Variants in KLHL7 observed in about 807,000 individuals in gnomAD.
The protein encoded by KLHL7 is kelch like family member 7.
In KLHL7, 44 loss-of-function variants were observed where a neutral mutation model predicts 67.4. The ratio of observed to expected loss-of-function variants is 0.65; its 90% CI spans 0.51 to 0.84. KLHL7 has a LOEUF of 0.84. Among genes scored for constraint, KLHL7 ranks in the 40% least tolerant of loss-of-function variants. KLHL7 has a pLI of 0.00. For synonymous variants in KLHL7, 252 were observed against 243.3 expected (o/e 1.04, Z -0.33); for missense variants, 362 against 718.1 (o/e 0.50, Z 5.67).
At chr7:23,111,636 C>T (rs1426720162) in intron 1 of KLHL7, among the ~76,000 whole-genome samples, 3 of 151,998 alleles carry the variant, frequency 2.0e-5, no homozygotes, top group Non-Finnish European at 4.4e-5. Flanking sequence ...GTCTGGCTAA[C>T]ATGGTGAAAC....
chr7:23,165,638 T>C lies in KLHL7; in HGVS notation c.937-60T>C. On this transcript the variant is annotated intron_variant, in intron 7 of 10. Coordinates refer to ENST00000339077, the MANE Select transcript of KLHL7 (RefSeq NM_001031710.3). ...TATGTTTTTTGACTGTATCTTTGCA[T>C]TGTCCTTTTCAGTTATATTTTTTTC... 3 of 1,577,558 alleles carry C rather than the reference T, an allele frequency of 1.9e-6. No homozygotes were observed. The South Asian group carries it at 3.3e-5, about 18-fold the overall frequency.
chr7:23,110,285 A>G (rs1210901550), intron 1 of KLHL7, among the ~76,000 whole-genome samples: 1 of 152,176 alleles, frequency 6.6e-6, no homozygotes, highest in Non-Finnish European at 1.5e-5. Flanking sequence ...CTATTTTGAC[A>G]CTTTCCCTTT....
rs757884115 is a variant in KLHL7 at position 23,165,757 on chromosome 7, G to C, written c.996G>C (p.Val332=). 1 of 1,614,154 alleles carries C rather than the reference G, an allele frequency of 6.2e-7. No homozygotes were observed. Among genetic ancestry groups the C allele is most frequent in the East Asian group, 2.2e-5 (1 of 44,888 alleles). The change falls in exon 8 of 11, where the codon GTG becomes GTC. Residue 332 remains valine (V), a synonymous_variant. Coordinates refer to ENST00000339077, the MANE Select transcript of KLHL7 (RefSeq NM_001031710.3). ...AAAAACGAAGAGATGCAGCATGCGT[G>C]TTTTGGGACAATGTAGTATACATTT... ...PFEKRRDAAC[V]FWDNVVYILG...
chr7:23,168,750 C>T (rs967682034), intron 9 of KLHL7, among the ~76,000 whole-genome samples: 1 of 152,140 alleles, frequency 6.6e-6, no homozygotes, highest in African/African-American at 2.4e-5. Context: ...TTTATGGAAA[C>T]ATCCAAAGAG....
chr7:23,141,014 G>A lies in KLHL7; in HGVS notation c.618+70G>A, dbSNP rs1004432492. 2.4e-6 allele frequency: 3 copies of A among 1,240,340 alleles called. No individual in the cohort carries two copies. The Admixed American group carries it at 5.0e-5, about 21-fold the overall frequency. The allele number at this position is 1,240,340 out of a possible 1,614,324, so 76.8% of individuals were successfully genotyped here. On this transcript the variant is annotated intron_variant, in intron 5 of 10. Coordinates refer to ENST00000339077, the MANE Select transcript of KLHL7 (RefSeq NM_001031710.3). Reference sequence around the variant, plus strand: ...TATTGGTTTCTTAAAACTCATGTTTGGACACATGACAAGGGAAAGAGTCAT... The same window carrying A: ...TATTGGTTTCTTAAAACTCATGTTTAGACACATGACAAGGGAAAGAGTCAT...
chr7:23,114,899 C>G (rs923379005), intron 1 of KLHL7, among the ~76,000 whole-genome samples: 1 of 152,224 alleles, frequency 6.6e-6, no homozygotes, highest in African/African-American at 2.4e-5. Flanking sequence ...ATTAGCAACA[C>G]AGAATCTCCC....
At position 23,174,320 on chromosome 7, in the gene KLHL7, C is replaced by T. The variant is rs1785243320; in HGVS notation, c.*22C>T. 1 of 1,596,500 alleles carries T rather than the reference C, an allele frequency of 6.3e-7. No individual in the cohort carries two copies. The highest frequency in any genetic ancestry group is 8.5e-7 in the Non-Finnish European group (1 of 1,177,656). ...ATGAAAAATGAGTGGACTTCAGACTCATCAGAGACTCTAAAATATAGCCAC... is the reference window on the plus strand; with the variant it reads ...ATGAAAAATGAGTGGACTTCAGACTTATCAGAGACTCTAAAATATAGCCAC... On this transcript the variant is annotated 3_prime_UTR_variant, in exon 11 of 11. Transcript: ENST00000339077.
chr7:23,132,563 G>A (rs1562565712), intron 4 of KLHL7, among the ~76,000 whole-genome samples: 1 of 152,132 alleles, frequency 6.6e-6, no homozygotes, highest in Non-Finnish European at 1.5e-5. Flanking sequence ...CAGATGAGTA[G>A]TTTGCAGATA....
At chr7:23,129,085 A>G (rs1447547706) in intron 4 of KLHL7, 3 of 152,624 alleles carry the variant, frequency 2.0e-5, no homozygotes, top group African/African-American at 7.2e-5. Flanking sequence ...AGTGCTTTCT[A>G]CCATCTGGGA....
intron 1 of KLHL7, among the ~76,000 whole-genome samples, chr7:23,121,029 T>C (rs577744346): frequency 2.0e-5 from 3 of 152,196 alleles, no homozygotes; most frequent in African/African-American, 4.8e-5. Flanking sequence ...TCTGTTCTGC[T>C]TTTTACTTGG....
intron 7 of KLHL7, among the ~76,000 whole-genome samples, chr7:23,157,613 T>A (rs941435293): frequency 1.3e-5 from 2 of 152,224 alleles, no homozygotes; most frequent in Non-Finnish European, 2.9e-5. Flanking sequence ...ATAGAGAGTC[T>A]CAATTTCTTT....
intron 1 of KLHL7, among the ~76,000 whole-genome samples, chr7:23,122,163 T>C (rs1476072637): frequency 4.6e-5 from 7 of 152,172 alleles, no homozygotes; most frequent in Admixed American, 4.6e-4. Context: ...TTCAACCTCC[T>C]TCAGTGCCTA....
intron 4 of KLHL7, among the ~76,000 whole-genome samples, chr7:23,128,649 G>A (rs565879322): frequency 2.0e-5 from 3 of 151,890 alleles, no homozygotes; most frequent in East Asian, 3.9e-4. Context: ...TAAATGTCAC[G>A]GTAAGTTTTA....
At chr7:23,143,518 AC>A (rs1200523736) in intron 5 of KLHL7, among the ~76,000 whole-genome samples, 4 of 152,006 alleles carry the variant, frequency 2.6e-5, no homozygotes, top group African/African-American at 9.7e-5. Flanking sequence ...ATATGTTGAA[AC>A]TTTTGTTGAC....
Position 23,176,841 on chromosome 7 carries a change from G to C in KLHL7, c.*2543G>C, listed in dbSNP as rs558340465. On this transcript the variant is annotated 3_prime_UTR_variant, in exon 11 of 11. Transcript: ENST00000339077. ...ATACAAAAATTAGCCAGGTATGGTG[G>C]TGTGCACCTGTAGTCCCAGCTACTC... 5 of 152,430 alleles carry C rather than the reference G, an allele frequency of 3.3e-5. No individual in the cohort carries two copies. The highest frequency in any genetic ancestry group is 1.2e-4 in the African/African-American group (5 of 41,534). The allele number at this position is 152,430 out of a possible 1,614,324, so 9.4% of individuals were successfully genotyped here.
chr7:23,142,848 A>G (rs150225120), intron 5 of KLHL7, among the ~76,000 whole-genome samples: 1 of 152,348 alleles, frequency 6.6e-6, no homozygotes, highest in East Asian at 1.9e-4. Context: ...TGTTCTTTAT[A>G]GTATTGTGGA....
At chr7:23,139,659 T>A (rs545676435) in intron 4 of KLHL7, among the ~76,000 whole-genome samples, 1 of 152,284 alleles carries the variant, frequency 6.6e-6, no homozygotes, top group East Asian at 1.9e-4. Flanking sequence ...TCAAAATTCA[T>A]TAAATGAAGA....
chr7:23,143,035 C>A (rs1266034383), intron 5 of KLHL7, among the ~76,000 whole-genome samples: 8 of 152,240 alleles, frequency 5.3e-5, no homozygotes, highest in African/African-American at 1.4e-4. Context: ...TTCTATAAAT[C>A]TAAAACTATT....
intron 1 of KLHL7, among the ~76,000 whole-genome samples, chr7:23,108,658 G>T (rs1167603867): frequency 6.6e-6 from 1 of 152,194 alleles, no homozygotes; most frequent in Non-Finnish European, 1.5e-5. Context: ...TCTTCTAAGG[G>T]CACTATGCAC....
Sources: gnomAD v4.1 joint callset for allele counts (sites outside exome capture counted in the v4.1 genomes callset) on GRCh38, gnomAD v4.1.1 for gene constraint, MANE v1.5 for transcripts, NCBI Gene and HGNC (gene_info 2026-07-23, HGNC 2026-07-21) for gene names.